Variants in USP3 observed in about 807,000 individuals in gnomAD.
USP3 encodes the protein ubiquitin carboxyl-terminal hydrolase 3.
Under a neutral mutation model 72.3 loss-of-function variants are expected in USP3, and 20 were observed. The observed-to-expected ratio is 0.28, with a 90% confidence interval of 0.19 to 0.40. The LOEUF is 0.40. Ranked by LOEUF, USP3 falls within the 10% of genes least tolerant of loss-of-function variation. The pLI is 1.00. For synonymous variants in USP3, 222 were observed against 225.3 expected, an observed-to-expected ratio of 0.99 and a Z score of 0.13; for missense variants, 479 against 633.9, an observed-to-expected ratio of 0.76 and a Z score of 2.62.
At chr15:63,526,011 T>A (rs2065976395) in intron 1 of USP3, among the ~76,000 whole-genome samples, 1 of 152,218 alleles carries the variant, frequency 6.6e-6, no homozygotes, top group Non-Finnish European at 1.5e-5. Context: ...AAATTTAGAA[T>A]AAGTTCATTT....
rs74361579 is a variant in USP3 at position 63,537,360 on chromosome 15, G to T, written c.284+204G>T. Among the ~76,000 whole-genome samples, 98 of 152,028 alleles carry T rather than the reference G, an allele frequency of 6.4e-4. 2 individuals are homozygous for T. Among genetic ancestry groups the T allele is most frequent in the African/African-American group, 2.2e-3 (93 of 41,464 alleles). The stretch of plus-strand genomic sequence containing the variant: ...TTGCATTGTTCCTTTCAACTTCTAG[G>T]CCTCCTTTTCTCTCCCACCTCCCGT... On this transcript the variant is annotated intron_variant, in intron 3 of 14. Coordinates refer to ENST00000380324, the MANE Select transcript of USP3 (RefSeq NM_006537.4).
chr15:63,558,259 G>T, intron 6 of USP3, 71 bp downstream of exon 6: 1 of 1,510,258 alleles, frequency 6.6e-7, no homozygotes, highest in Non-Finnish European at 9.2e-7. Flanking sequence ...TCCCTATCTC[G>T]TCTGCCACTA....
rs1354746216 is a variant in USP3 at position 63,593,928 on chromosome 15, AAC to A, written c.*3104_*3105del. 1 of 152,244 alleles carries A rather than the reference AAC, an allele frequency of 6.6e-6. No homozygotes were observed. Among genetic ancestry groups the A allele is most frequent in the Non-Finnish European group, 1.5e-5 (1 of 68,042 alleles). 9.4% of individuals were successfully genotyped at this position (152,244 alleles called of 1,614,324 possible). On this transcript the variant is annotated 3_prime_UTR_variant, in exon 15 of 15. Transcript: ENST00000380324. ...AGTCCCCACACGGGTGGGTGACAGAAACAGTTTGTGGCAACACAAATCTCTCT... is the reference window on the plus strand; with the variant it reads ...AGTCCCCACACGGGTGGGTGACAGAAAGTTTGTGGCAACACAAATCTCTCT...
At chr15:63,567,153 T>G (rs1199714818) in intron 8 of USP3, among the ~76,000 whole-genome samples, 2 of 152,172 alleles carry the variant, frequency 1.3e-5, no homozygotes, top group Admixed American at 1.3e-4. Context: ...ATTTGGAACG[T>G]CTGCTTTTCA....
rs200007929 is a variant in USP3 at position 63,559,899 on chromosome 15, C to T, written c.576C>T (p.Ala192=). The part of the protein sequence containing the change: ...QFCCYFKELP[A]VELRNGKTAG... ...GCTGTTATTTCAAAGAACTGCCCGCCGTGGAGTTAAGGAATGGGAAAACAG... is the reference window on the plus strand; with the variant it reads ...GCTGTTATTTCAAAGAACTGCCCGCTGTGGAGTTAAGGAATGGGAAAACAG... Residue 192 remains alanine, a synonymous_variant, in exon 7 of 15, where the codon GCC becomes GCT. Transcript: ENST00000380324. The T allele has an allele frequency of 1.9e-4, 314 of 1,613,898 alleles. No homozygotes were observed. Among genetic ancestry groups the T allele is most frequent in the Non-Finnish European group, 2.5e-4 (293 of 1,179,930 alleles).
At position 63,589,180 on chromosome 15, in the gene USP3, A is replaced by T. The variant is rs529237190; in HGVS notation, c.1397+169A>T. 3.3e-3 allele frequency: 2,180 copies of T among 670,534 alleles called. 7 individuals are homozygous for T. Among genetic ancestry groups the T allele is most frequent in the Non-Finnish European group, 4.6e-3 (1,798 of 391,170 alleles). The allele number at this position is 670,534 out of a possible 1,614,324, so 41.5% of individuals were successfully genotyped here. On this transcript the variant is annotated intron_variant, in intron 14 of 14. Transcript: ENST00000380324. ...AGAGTACTCCTCAGATGATGTTGTG[A>T]AGGCTTAAGGGAAGGTAAATAAAAG... is the stretch of plus-strand genomic sequence containing the variant.
At chr15:63,581,544 C>T (rs969188299) in intron 11 of USP3, among the ~76,000 whole-genome samples, 34 of 144,578 alleles carry the variant, frequency 2.4e-4, no homozygotes, top group Admixed American at 1.8e-3. Context: ...CCACCACACC[C>T]GGCTAATTTT....
At chr15:63,514,235 G>A (rs1199320278) in intron 1 of USP3, among the ~76,000 whole-genome samples, 2 of 151,874 alleles carry the variant, frequency 1.3e-5, no homozygotes, top group African/African-American at 4.8e-5. Flanking sequence ...AAAAATATAT[G>A]TATTTCTAGT....
chr15:63,560,001 T>A, intron 7 of USP3, 31 bp downstream of exon 7: 1 of 1,584,492 alleles, frequency 6.3e-7, no homozygotes, highest in Non-Finnish European at 8.6e-7. Flanking sequence ...CTTTCTGGCT[T>A]TGAGTTACAA....
At chr15:63,545,917 G>A (rs1438280255) in intron 3 of USP3, among the ~76,000 whole-genome samples, 1 of 130,830 alleles carries the variant, frequency 7.6e-6, no homozygotes, top group Non-Finnish European at 1.6e-5. Context: ...GTTACAGTGA[G>A]TTGAGATCAC....
chr15:63,568,693 A>T (rs1424499322), intron 8 of USP3, among the ~76,000 whole-genome samples: 1 of 152,250 alleles, frequency 6.6e-6, no homozygotes, highest in African/African-American at 2.4e-5. Context: ...CTTTCAGATA[A>T]GTCAATGAAG....
chr15:63,523,715 G>A (rs1269271564), intron 1 of USP3, among the ~76,000 whole-genome samples: 1 of 152,204 alleles, frequency 6.6e-6, no homozygotes, highest in African/African-American at 2.4e-5. Flanking sequence ...CTGGGATCAG[G>A]CATTGCTGGG....
rs2066632383 is a variant in USP3, at chr15:63,563,026, A to G, written c.761+18A>G. On this transcript the variant is annotated intron_variant, in intron 8 of 14. Coordinates refer to ENST00000380324, the MANE Select transcript of USP3 (RefSeq NM_006537.4). ...AACTTTAGGTAAGTATTATATGAAG[A>G]TATTTTTAAACATTAATATTAGTGT... is the stretch of plus-strand genomic sequence containing the variant. 6.5e-7 allele frequency: 1 copy of G among 1,540,188 alleles called. No individual in the cohort carries two copies. The highest frequency in any genetic ancestry group is 8.9e-7 in the Non-Finnish European group (1 of 1,125,400).
chr15:63,586,169 C>CT (rs1342039136), intron 11 of USP3, among the ~76,000 whole-genome samples: 2 of 152,088 alleles, frequency 1.3e-5, no homozygotes, highest in African/African-American at 4.8e-5. Flanking sequence ...ATTTTGGATG[C>CT]TTTTTTCTTG....
intron 1 of USP3, among the ~76,000 whole-genome samples, chr15:63,511,758 G>T (rs1293621757): frequency 6.6e-6 from 1 of 152,074 alleles, no homozygotes; most frequent in East Asian, 1.9e-4. Context: ...GTTTGTTGTA[G>T]GGTGGAGGAA....
rs2067120620 is a variant in USP3, at chr15:63,588,526, T to C, written c.1215+103T>C. Reference sequence around the variant, plus strand: ...CACTATGTGAACTGTTCTGTATTTTTCTCTAGGATTTTCAGTAAAAGCTAA... The same window carrying C: ...CACTATGTGAACTGTTCTGTATTTTCCTCTAGGATTTTCAGTAAAAGCTAA... On this transcript the variant is annotated intron_variant, in intron 12 of 14. Coordinates refer to ENST00000380324, the MANE Select transcript of USP3 (RefSeq NM_006537.4). The surrounding 1 kb of genome is among the most constrained non-coding windows in gnomAD (Gnocchi z 4.6). 8.7e-6 allele frequency: 9 copies of C among 1,039,960 alleles called. No individual in the cohort carries two copies. Among genetic ancestry groups the C allele is most frequent in the South Asian group, 1.5e-5 (1 of 64,946 alleles). 64.4% of individuals were successfully genotyped at this position (1,039,960 alleles called of 1,614,324 possible).
chr15:63,516,618 G>A (rs567298812), intron 1 of USP3, among the ~76,000 whole-genome samples: 2 of 152,150 alleles, frequency 1.3e-5, no homozygotes, highest in South Asian at 4.2e-4. Flanking sequence ...AGTTTTAAAG[G>A]CATTGTTGGT....
intron 1 of USP3, among the ~76,000 whole-genome samples, chr15:63,525,298 C>T (rs1292350790): frequency 6.6e-6 from 1 of 152,188 alleles, no homozygotes; most frequent in African/African-American, 2.4e-5. Flanking sequence ...GCCTGGTCTC[C>T]TCCCCAGTAT....
intron 7 of USP3, 39 bp from the exon 8 acceptor site, chr15:63,562,856 C>G: frequency 1.5e-6 from 2 of 1,376,300 alleles, no homozygotes; most frequent in Non-Finnish European, 1.0e-6. Flanking sequence ...ATTGTAGCCT[C>G]TCACTAATCT....
Sources: allele counts gnomAD v4.1 joint callset (sites outside exome capture counted in the v4.1 genomes callset), GRCh38; gene constraint gnomAD v4.1.1; non-coding constraint Gnocchi (gnomAD v3.1); transcripts MANE v1.5; gene names NCBI Gene and HGNC (gene_info 2026-07-23, HGNC 2026-07-21).